SYT3: variants seen among roughly 807,000 people sequenced by gnomAD.
SYT3 encodes synaptotagmin 3.
A neutral mutation model predicts 50.6 loss-of-function variants in SYT3; 25 were observed. The observed-to-expected ratio is 0.49, with a 90% CI of 0.36 to 0.69. The LOEUF is 0.69. Among genes scored for constraint, SYT3 ranks in the 30% least tolerant of loss-of-function variants. The pLI is 0.00. For missense variants in SYT3, 589 were observed against 793.6 expected, an observed-to-expected ratio of 0.74 and a Z score of 3.10; for synonymous variants, 323 against 353.9, an observed-to-expected ratio of 0.91 and a Z score of 0.98.
rs746160113 is a variant in SYT3 at position 50,632,576 on chromosome 19, G to A, written c.384C>T (p.Gly128=). Residue 128 remains glycine (G), a synonymous_variant, in exon 4 of 11, where the codon GGC becomes GGT. Transcript: ENST00000600079. This position sits in a 1 kb window ranked among gnomAD's most constrained non-coding sequence, Gnocchi z 4.7. ...AAGLGGHPLL[G]GPHHHAHAAH... is the part of the protein sequence containing the mutation. ...CGGCATGGGCATGGTGGTGTGGGCC[G>A]CCCAGCAGAGGATGGCCACCCAGGC... The A allele has an allele frequency of 5.4e-5, 86 of 1,584,974 alleles. No individual in the cohort carries two copies. The Admixed American group carries it at 9.6e-4, about 18-fold the overall frequency.
the SYT3 span, chr19:50,649,515 C>T: frequency 6.5e-7 from 1 of 1,536,174 alleles, no homozygotes; most frequent in East Asian, 2.4e-5. Context: ...AAGGCAGGTA[C>T]TGAGCTGTGT....
At position 50,622,040 on chromosome 19, in the gene SYT3, G is replaced by C. The variant is rs1340140373; in HGVS notation, c.*445C>G. The C allele has an allele frequency of 1.9e-3, 1 of 530 alleles. No individual in the cohort carries two copies. Among genetic ancestry groups the C allele is most frequent in the African/African-American group, 0.022 (1 of 46 alleles). The allele number at this position is 530 out of a possible 1,614,324, so 0.0% of individuals were successfully genotyped here. A position where few individuals can be genotyped will look rare whatever the true frequency, so the allele number is the denominator to read the frequency against. ...GATAGCAGCAGCAGTGGGGGGACCG[G>C]CCAGACGCAGGGGTGTGGCGAACAG... On this transcript the variant is annotated 3_prime_UTR_variant, in exon 11 of 11. Transcript: ENST00000600079.
the SYT3 span, among the ~76,000 whole-genome samples, chr19:50,657,425 T>C: frequency 6.6e-6 from 1 of 152,246 alleles, no homozygotes; most frequent in Non-Finnish European, 1.5e-5. Context: ...TTTTATGTGC[T>C]ATGACAACTG....
At chr19:50,651,715 A>G in the SYT3 span, among the ~76,000 whole-genome samples, 1 of 152,144 alleles carries the variant, frequency 6.6e-6, no homozygotes, top group African/African-American at 2.4e-5. Context: ...AAGGAAAAAA[A>G]AAAAAGCTTG....
Position 50,632,546 on chromosome 19 carries a change from G to A in SYT3, c.414C>T (p.His138=), listed in dbSNP as rs1984351755. 3.1e-6 allele frequency: 5 copies of A among 1,603,392 alleles called. No individual in the cohort carries two copies. Among genetic ancestry groups the A allele is most frequent in the Non-Finnish European group, 4.2e-6 (5 of 1,176,942 alleles). ...CCAGCAGCTCAGCAAAGGGTGGATGGTGGGCGGCATGGGCATGGTGGTGTG... is the reference window on the plus strand; with the variant it reads ...CCAGCAGCTCAGCAAAGGGTGGATGATGGGCGGCATGGGCATGGTGGTGTG... ...GGPHHHAHAA[H]HPPFAELLEP... Residue 138 remains histidine, a synonymous_variant, in exon 4 of 11, where the codon CAC becomes CAT. Transcript: ENST00000600079. The surrounding 1 kb of genome is among the most constrained non-coding windows in gnomAD (Gnocchi z 4.7).
rs568771180 is a variant in SYT3, at chr19:50,632,338, A to G, written c.622T>C (p.Leu208=). 22 of 1,604,842 alleles carry G rather than the reference A, an allele frequency of 1.4e-5. No individual in the cohort carries two copies. In the African/African-American group the frequency reaches 1.6e-4, roughly 12 times the overall value. The change falls in exon 4 of 11, where the codon TTG becomes CTG. Residue 208 remains leucine, a synonymous_variant. Transcript: ENST00000600079. The surrounding 1 kb of genome is among the most constrained non-coding windows in gnomAD (Gnocchi z 4.7). The part of the protein sequence containing the change: ...LLLLPPSGGG[L]PSAQSHQQVT... ...TGCTGATGTGACTGGGCACTGGGCA[A>G]GCCCCCACCACTGGGGGGCAGCAGG... is the stretch of plus-strand genomic sequence containing the variant.
rs1388207797 is a variant in SYT3, at chr19:50,625,363, C to A, written c.1574+30G>T. On this transcript the variant is annotated intron_variant, in intron 8 of 10. Coordinates refer to ENST00000600079, the MANE Select transcript of SYT3 (RefSeq NM_001160329.2). The surrounding 1 kb of genome is among the most constrained non-coding windows in gnomAD (Gnocchi z 7.5). Reference sequence around the variant, plus strand: ...GCCTGTCCCCACCCCAGCCCTCCTGCCTGACCCCCGCCCGGGCCGCGCCCC... The same window carrying A: ...GCCTGTCCCCACCCCAGCCCTCCTGACTGACCCCCGCCCGGGCCGCGCCCC... The A allele has an allele frequency of 6.5e-7, 1 of 1,541,182 alleles. No homozygotes were observed. The highest frequency in any genetic ancestry group is 8.7e-7 in the Non-Finnish European group (1 of 1,144,592).
In SYT3 at chr19:50,630,154, C is replaced by A. The variant is rs757705902; in HGVS notation, c.692G>T (p.Arg231Leu). The change falls in exon 5 of 11, where the codon CGA becomes CTA. Residue 231 changes from arginine (R) to leucine (L), a missense_variant. Transcript: ENST00000600079. ...APTTRYPALP[R>L]PLTQQTLTSQ... ...GGTCAGAGTCTGCTGGGTGAGGGGT[C>A]GGGGCAGGGCTGGGTACCTGTAGGG... is the stretch of plus-strand genomic sequence containing the variant. 1 of 1,101,978 alleles carries A rather than the reference C, an allele frequency of 9.1e-7. No individual in the cohort carries two copies. The highest frequency in any genetic ancestry group is 2.2e-5 in the Admixed American group (1 of 45,684). The allele number at this position is 1,101,978 out of a possible 1,614,324, so 68.3% of individuals were successfully genotyped here.
intron 4 of SYT3, among the ~76,000 whole-genome samples, chr19:50,630,882 G>A (rs1363868496): frequency 3.3e-5 from 5 of 152,050 alleles, no homozygotes; most frequent in Non-Finnish European, 7.4e-5. Context: ...TAATCTCCCC[G>A]GCTGTCTCTC....
chr19:50,633,942 A>G (rs34364746), intron 3 of SYT3, among the ~76,000 whole-genome samples: 20,578 of 152,222 alleles, frequency 0.14, 1,599 homozygotes, highest in Middle Eastern at 0.21. Context: ...TGATGCTATC[A>G]CACCTCAACG....
At chr19:50,654,233 T>C in the SYT3 span, among the ~76,000 whole-genome samples, 1 of 152,114 alleles carries the variant, frequency 6.6e-6, no homozygotes, top group African/African-American at 2.4e-5. Context: ...GTATTTCTTT[T>C]CTTTTCTCCC....
Position 50,637,343 on chromosome 19 carries a change from C to T in SYT3, c.69G>A (p.Arg23=). The change falls in exon 3 of 11, where the codon CGG becomes CGA. Residue 23 remains arginine, a synonymous_variant. Transcript: ENST00000600079. This position sits in a 1 kb window ranked among gnomAD's most constrained non-coding sequence, Gnocchi z 4.9. ...TGTCGTTGGTGTCAGCATCTCGGAC[C>T]CGCGCACAGAGGTCCGAGACCAGGA... ...ALILVSDLCA[R]VRDADTNDRC... 2 of 1,612,892 alleles carry T rather than the reference C, an allele frequency of 1.2e-6. No individual in the cohort carries two copies. Among genetic ancestry groups the T allele is most frequent in the East Asian group, 4.5e-5 (2 of 44,840 alleles).
the SYT3 span, chr19:50,649,632 T>C: frequency 1.5e-5 from 17 of 1,109,290 alleles, 1 homozygote; most frequent in South Asian, 2.3e-4. Flanking sequence ...AAGCCATCCC[T>C]AGCATTCCTG....
At position 50,625,083 on chromosome 19, in the gene SYT3, G is replaced by T; in HGVS notation, c.1707+79C>A. On this transcript the variant is annotated intron_variant, in intron 9 of 10. Transcript: ENST00000600079. The surrounding 1 kb of genome is among the most constrained non-coding windows in gnomAD (Gnocchi z 7.5). ...GCCTGGCTCTGCGACTCACGAACAT[G>T]CAGGGCGTTCGTTGCATGGATGAAG... 1 of 1,375,508 alleles carries T rather than the reference G, an allele frequency of 7.3e-7. No homozygotes were observed. Among genetic ancestry groups the T allele is most frequent in the Non-Finnish European group, 9.5e-7 (1 of 1,053,392 alleles). 85.2% of individuals were successfully genotyped at this position (1,375,508 alleles called of 1,614,324 possible).
At chr19:50,647,486 G>A in the SYT3 span, among the ~76,000 whole-genome samples, 25 of 152,084 alleles carry the variant, frequency 1.6e-4, no homozygotes, top group Non-Finnish European at 2.8e-4. Flanking sequence ...CAGAGTTTGA[G>A]ACCAGCTTGG....
rs757397160 is a variant in SYT3 at position 50,637,359 on chromosome 19, G to C, written c.53C>G (p.Ser18Trp). The C allele has an allele frequency of 7.4e-6, 12 of 1,611,464 alleles. No individual in the cohort carries two copies. The change falls in exon 3 of 11, where the codon TCG (serine) becomes TGG (tryptophan). Residue 18 changes from serine (S) to tryptophan (W), a missense_variant. By Grantham distance (177) the Ser-to-Trp change is radical. This residue lies in a region of SYT3 where 316 missense variants were observed against 354.3 expected (regional missense o/e 0.89). Transcript: ENST00000600079. The surrounding 1 kb of genome is among the most constrained non-coding windows in gnomAD (Gnocchi z 4.9). ...DLCRRALILV[S>W]DLCARVRDAD... The stretch of plus-strand genomic sequence containing the variant: ...ATCTCGGACCCGCGCACAGAGGTCC[G>C]AGACCAGGATGAGTGCCCGCCGGCA...
rs560620526 is a variant in SYT3 at position 50,625,013 on chromosome 19, A to G, written c.1707+149T>C. The G allele has an allele frequency of 2.4e-6, 2 of 830,252 alleles. No homozygotes were observed. Among genetic ancestry groups the G allele is most frequent in the Non-Finnish European group, 3.3e-6 (2 of 598,186 alleles). The allele number at this position is 830,252 out of a possible 1,614,324, so 51.4% of individuals were successfully genotyped here. The stretch of plus-strand genomic sequence containing the variant: ...CAGAGCGCTTGGGTAACTGGCTCTA[A>G]GCCGCACAGCTAAAGTTGGCACAGC... On this transcript the variant is annotated intron_variant, in intron 9 of 10. Coordinates refer to ENST00000600079, the MANE Select transcript of SYT3 (RefSeq NM_001160329.2). This position sits in a 1 kb window ranked among gnomAD's most constrained non-coding sequence, Gnocchi z 7.5.
rs1984615967 is a variant in SYT3 at position 50,639,757 on chromosome 19, CTG to C, written c.-154+31_-154+32del. 6.4e-6 allele frequency: 1 copy of C among 155,836 alleles called. No homozygotes were observed. Among genetic ancestry groups the C allele is most frequent in the Admixed American group, 6.6e-5 (1 of 15,238 alleles). The allele number at this position is 155,836 out of a possible 1,614,324, so 9.7% of individuals were successfully genotyped here. A position where few individuals can be genotyped will look rare whatever the true frequency, so the allele number is the denominator to read the frequency against. Reference sequence around the variant, plus strand: ...CCCAGGGATTTGACTGGGGCTGGGGCTGTGGCAGGAGGAGGGGGAGGAGCGGA... The same window carrying C: ...CCCAGGGATTTGACTGGGGCTGGGGCTGGCAGGAGGAGGGGGAGGAGCGGA... On this transcript the variant is annotated intron_variant, in intron 1 of 10. Coordinates refer to ENST00000600079, the MANE Select transcript of SYT3 (RefSeq NM_001160329.2). The surrounding 1 kb of genome is among the most constrained non-coding windows in gnomAD (Gnocchi z 4.6).
intron 9 of SYT3, 83 bp from the exon 10 acceptor site, chr19:50,622,838 A>C: frequency 1.6e-6 from 1 of 613,680 alleles, no homozygotes. Flanking sequence ...GAAGACGTCA[A>C]TCCTGTTTCA....
Sources: allele counts gnomAD v4.1 joint callset (sites outside exome capture counted in the v4.1 genomes callset), GRCh38; gene constraint gnomAD v4.1.1; regional missense constraint gnomAD v4.1.1; non-coding constraint Gnocchi (gnomAD v3.1); transcripts MANE v1.5; gene names NCBI Gene and HGNC (gene_info 2026-07-23, HGNC 2026-07-21).